Variants in HIRA observed in about 807,000 individuals in gnomAD.
HIRA encodes protein HIRA.
In HIRA, 13 loss-of-function variants were observed where a neutral mutation model predicts 126.6. The ratio of observed to expected loss-of-function variants is 0.10; its 90% CI spans 0.07 to 0.16. The LOEUF (loss-of-function observed/expected upper bound fraction) is 0.16. HIRA is among the 10% of genes least tolerant of loss of function. HIRA has a pLI of 1.00. For missense variants in HIRA, 834 were observed against 1,314.4 expected, an observed-to-expected ratio of 0.63 and a Z score of 5.65; for synonymous variants, 511 against 520.0, an observed-to-expected ratio of 0.98 and a Z score of 0.24.
Position 19,331,351 on chromosome 22 carries a change from A to G in HIRA, c.*89T>C, listed in dbSNP as rs782359204. On this transcript the variant is annotated 3_prime_UTR_variant, in exon 25 of 25. Coordinates refer to ENST00000263208, the MANE Select transcript of HIRA (RefSeq NM_003325.4). ...TCCTGCCAGTGTCTCCTCCCCCTAC[A>G]GCCTGGTCAGGTGAGAGGCGGTCCT... 2.5e-6 allele frequency: 4 copies of G among 1,602,982 alleles called. No homozygotes were observed. Among genetic ancestry groups the G allele is most frequent in the Non-Finnish European group, 3.4e-6 (4 of 1,178,682 alleles).
chr22:19,335,305 C>T (rs1182212126), intron 24 of HIRA, among the ~76,000 whole-genome samples: 2 of 151,668 alleles, frequency 1.3e-5, no homozygotes, highest in Admixed American at 6.6e-5. Flanking sequence ...AGTGCAGTGG[C>T]GTGATCTTGG....
intron 5 of HIRA, among the ~76,000 whole-genome samples, chr22:19,402,510 G>A (rs536223622): frequency 9.2e-5 from 14 of 152,222 alleles, no homozygotes; most frequent in African/African-American, 3.1e-4. Context: ...ATTTAAAATT[G>A]TTCTGTTATG....
At chr22:19,365,368 C>T (rs2088903050) in intron 15 of HIRA, among the ~76,000 whole-genome samples, 1 of 152,156 alleles carries the variant, frequency 6.6e-6, no homozygotes, top group South Asian at 2.1e-4. Flanking sequence ...GAAGTCAATG[C>T]CTGGCTTCAA....
At chr22:19,387,187 A>G (rs2089134903) in intron 11 of HIRA, among the ~76,000 whole-genome samples, 1 of 152,240 alleles carries the variant, frequency 6.6e-6, no homozygotes, top group Admixed American at 6.5e-5. Flanking sequence ...CTTCTGACCT[A>G]AGGGTCACAT....
intron 5 of HIRA, among the ~76,000 whole-genome samples, chr22:19,401,866 A>C (rs2089271382): frequency 6.6e-6 from 1 of 152,162 alleles, no homozygotes; most frequent in Non-Finnish European, 1.5e-5. Flanking sequence ...CTGCTGCCAC[A>C]GGTCTCAACT....
At chr22:19,346,102 C>T (rs187403967) in intron 24 of HIRA, among the ~76,000 whole-genome samples, 1 of 152,348 alleles carries the variant, frequency 6.6e-6, no homozygotes, top group East Asian at 1.9e-4. Flanking sequence ...CCTAACAAGC[C>T]TTCTTGGGAG....
chr22:19,389,117 C>T (rs546801975), intron 9 of HIRA, among the ~76,000 whole-genome samples: 115 of 152,290 alleles, frequency 7.6e-4, no homozygotes, highest in Admixed American at 9.2e-4. Flanking sequence ...GAATTATTAT[C>T]TTCTATTTTG....
rs782577053 is a variant in HIRA at position 19,331,569 on chromosome 22, A to T, written c.2938-13T>A. ...TCTTCCGCAGACCCTGTGGACACAG[A>T]GTGACAGCTGAGTGCAAGTGTCAGT... On this transcript the variant is annotated splice_polypyrimidine_tract_variant and intron_variant, in intron 24 of 24. Transcript: ENST00000263208. 6.3e-7 allele frequency: 1 copy of T among 1,578,354 alleles called. No individual in the cohort carries two copies. The highest frequency in any genetic ancestry group is 8.6e-7 in the Non-Finnish European group (1 of 1,158,412).
intron 1 of HIRA, among the ~76,000 whole-genome samples, chr22:19,430,892 G>A (rs2041643148): frequency 6.6e-6 from 1 of 152,174 alleles, no homozygotes; most frequent in South Asian, 2.1e-4. Flanking sequence ...TGATGTCCCA[G>A]CTCAGCATTA....
At chr22:19,358,240 C>T (rs187186624) in intron 18 of HIRA, among the ~76,000 whole-genome samples, 1 of 152,322 alleles carries the variant, frequency 6.6e-6, no homozygotes, top group African/African-American at 2.4e-5. Context: ...TCTATCTGCC[C>T]ATCTCTGGTG....
intron 4 of HIRA, among the ~76,000 whole-genome samples, chr22:19,406,810 G>A (rs1370251452): frequency 6.6e-6 from 1 of 152,208 alleles, no homozygotes; most frequent in Non-Finnish European, 1.5e-5. Flanking sequence ...CAAAGAGGCT[G>A]GACTCTGGAT....
chr22:19,331,440 C>T lies in HIRA; in HGVS notation c.3054G>A (p.Ter1018=). The change falls in exon 25 of 25, where the codon TAG becomes TAA. Residue 1018 remains the stop codon, a stop_retained_variant. Transcript: ENST00000263208. ...TGCAGCCAGGGCAGGCTGGGGCAGGCTACTTGTCCCTCAGGATGTCGAGCT... is the reference window on the plus strand; with the variant it reads ...TGCAGCCAGGGCAGGCTGGGGCAGGTTACTTGTCCCTCAGGATGTCGAGCT... The part of the protein sequence containing the change: ...QEQLDILRDK[*] The T allele has an allele frequency of 6.2e-7, 1 of 1,614,032 alleles. No homozygotes were observed.
At chr22:19,393,586 G>T (rs1237803397) in intron 8 of HIRA, among the ~76,000 whole-genome samples, 1 of 152,082 alleles carries the variant, frequency 6.6e-6, no homozygotes, top group Non-Finnish European at 1.5e-5. Flanking sequence ...TTGACCTCCT[G>T]ACCTCATGAT....
At chr22:19,390,601 CAAAAAAAAAAA>C (rs575050947) in intron 9 of HIRA, among the ~76,000 whole-genome samples, 8 of 38,344 alleles carry the variant, frequency 2.1e-4, no homozygotes, top group African/African-American at 7.0e-4. Context: ...GACTCTGTCT[CAAAAAAAAAAA>C]AAAAAAAAAA....
At chr22:19,418,282 A>C (rs1452068987) in intron 1 of HIRA, among the ~76,000 whole-genome samples, 2 of 152,134 alleles carry the variant, frequency 1.3e-5, no homozygotes, top group Non-Finnish European at 2.9e-5. Flanking sequence ...CAAAACCAAA[A>C]ATAAAAATAA....
chr22:19,370,821 G>A (rs2088958052), intron 15 of HIRA, among the ~76,000 whole-genome samples: 1 of 152,202 alleles, frequency 6.6e-6, no homozygotes, highest in South Asian at 2.1e-4. Flanking sequence ...GTGAGAAACT[G>A]AGGATGACAA....
chr22:19,341,727 C>A (rs984412421), intron 24 of HIRA, among the ~76,000 whole-genome samples: 3 of 152,180 alleles, frequency 2.0e-5, no homozygotes, highest in Non-Finnish European at 4.4e-5. Flanking sequence ...ACAAGTGGTG[C>A]TGGGATAACT....
At chr22:19,421,686 G>A (rs902183854) in intron 1 of HIRA, among the ~76,000 whole-genome samples, 1 of 152,006 alleles carries the variant, frequency 6.6e-6, no homozygotes, top group African/African-American at 2.4e-5. Context: ...GTGTGTGTGT[G>A]TATGAGATGG....
intron 12 of HIRA, among the ~76,000 whole-genome samples, chr22:19,384,257 G>A (rs904452728): frequency 6.8e-6 from 1 of 147,614 alleles, no homozygotes; most frequent in Admixed American, 7.0e-5. Flanking sequence ...CAGGGAGTCG[G>A]AGGTTGCAGT....
Sources: gnomAD v4.1 joint callset for allele counts (sites outside exome capture counted in the v4.1 genomes callset) on GRCh38, gnomAD v4.1.1 for gene constraint, MANE v1.5 for transcripts, NCBI Gene and HGNC (gene_info 2026-07-23, HGNC 2026-07-21) for gene names.